The following FLYWCH1 variants were observed in gnomAD, a reference collection of about 807,000 sequenced individuals.
FLYWCH1 encodes the protein FLYWCH-type zinc finger-containing protein 1.
FLYWCH1 carries 75 observed loss-of-function variants against 66.4 expected under a neutral mutation model. The observed-to-expected ratio is 1.13, with a 90% CI of 0.94 to 1.37. FLYWCH1 has a LOEUF of 1.37. FLYWCH1 is among the 40% of genes most tolerant of loss of function. FLYWCH1 has a pLI of 0.00. For synonymous variants in FLYWCH1, 595 were observed against 429.9 expected (o/e 1.38, Z -4.75); for missense variants, 1,334 against 1,001.8 (o/e 1.33, Z -4.48).
chr16:2,923,137 G>T, intron 2 of FLYWCH1: 1 of 390,392 alleles, frequency 2.6e-6, no homozygotes, highest in Middle Eastern at 3.9e-4. Flanking sequence ...GGCTGTGGAC[G>T]CCTTTCAACG....
At position 2,933,358 on chromosome 16, in the gene FLYWCH1, G is replaced by T; in HGVS notation, c.1025G>T (p.Arg342Leu). The T allele has an allele frequency of 6.2e-7, 1 of 1,604,168 alleles. No individual in the cohort carries two copies. The highest frequency in any genetic ancestry group is 2.3e-5 in the East Asian group (1 of 44,360). ...QPDMEGLEAR[R>L]QQEKAVETLQ... Reference sequence around the variant, plus strand: ...GATATGGAGGGCCTGGAAGCCCGGCGGCAGCAGGAGAAGGCCGTGGAGACG... The same window carrying T: ...GATATGGAGGGCCTGGAAGCCCGGCTGCAGCAGGAGAAGGCCGTGGAGACG... Residue 342 changes from arginine (R) to leucine (L), a missense_variant, in exon 5 of 10, where the codon CGG becomes CTG. Physicochemically the swap from Arg to Leu is moderately radical, Grantham distance 102. Coordinates refer to ENST00000253928, the MANE Select transcript of FLYWCH1 (RefSeq NM_001308068.2).
intron 2 of FLYWCH1, among the ~76,000 whole-genome samples, chr16:2,920,990 C>A (rs929790564): frequency 6.6e-6 from 1 of 151,704 alleles, no homozygotes; most frequent in Non-Finnish European, 1.5e-5. Context: ...TACAGGCGCC[C>A]GCCACCACGC....
chr16:2,914,367 G>A (rs2070095941), intron 2 of FLYWCH1, 78 bp downstream of exon 2: 2 of 152,206 alleles, frequency 1.3e-5, no homozygotes, highest in Non-Finnish European at 2.9e-5. Flanking sequence ...GGACCCCTTG[G>A]TGTCTGAGAG....
intron 2 of FLYWCH1, among the ~76,000 whole-genome samples, chr16:2,923,628 A>G (rs1375561609): frequency 6.6e-6 from 1 of 152,148 alleles, no homozygotes; most frequent in African/African-American, 2.4e-5. Flanking sequence ...CAAGCCATTT[A>G]TATGCACCCA....
At chr16:2,915,594 A>C (rs1315603826) in intron 2 of FLYWCH1, 1 of 152,184 alleles carries the variant, frequency 6.6e-6, no homozygotes, top group Non-Finnish European at 1.5e-5. Context: ...TAAAATCATT[A>C]GGTTCCAGTC....
chr16:2,922,869 C>T (rs1314227574), intron 2 of FLYWCH1: 1 of 524,536 alleles, frequency 1.9e-6, no homozygotes, highest in East Asian at 5.3e-5. Context: ...TTCTTCATGG[C>T]AGACTCAGTG....
chr16:2,944,326 G>C (rs2071391479), intron 9 of FLYWCH1, among the ~76,000 whole-genome samples: 1 of 150,104 alleles, frequency 6.7e-6, no homozygotes. Context: ...GGAGGTGGAG[G>C]TTGTGGTGAG....
At chr16:2,938,498 C>G (rs749576790) in intron 8 of FLYWCH1, 42 bp downstream of exon 8, 17 of 1,494,294 alleles carry the variant, frequency 1.1e-5, no homozygotes, top group Non-Finnish European at 1.5e-5. Flanking sequence ...TGTGGGCATC[C>G]TCATCTCTTC....
intron 1 of FLYWCH1, among the ~76,000 whole-genome samples, chr16:2,912,408 G>A (rs2070021296): frequency 7.0e-6 from 1 of 142,410 alleles, no homozygotes; most frequent in South Asian, 2.1e-4. Flanking sequence ...GCCGTTTCCT[G>A]GCGGTGTCTG....
rs1390928738 is a variant in FLYWCH1 at position 2,933,778 on chromosome 16, T to C, written c.1312T>C (p.Tyr438His). Reference sequence around the variant, plus strand: ...CTTCCTGGTGTACGAGTCCTTCCTCTACCGGCGGGAGAAGGCGGCTGGGGA... The same window carrying C: ...CTTCCTGGTGTACGAGTCCTTCCTCCACCGGCGGGAGAAGGCGGCTGGGGA... ...GSFLVYESFL[Y>H]RREKAAGEKV... is the part of the protein sequence containing the mutation. The change falls in exon 6 of 10, where the codon TAC (tyrosine) becomes CAC (histidine). Residue 438 changes from tyrosine (Y) to histidine (H), a missense_variant. Physicochemically the swap from Tyr to His is moderately conservative, Grantham distance 83. Transcript: ENST00000253928. The C allele has an allele frequency of 1.2e-6, 2 of 1,611,596 alleles. No individual in the cohort carries two copies. Among genetic ancestry groups the C allele is most frequent in the African/African-American group, 2.7e-5 (2 of 74,796 alleles).
intron 4 of FLYWCH1, among the ~76,000 whole-genome samples, chr16:2,932,117 C>CAAAAAAAA (rs71158124): frequency 9.1e-6 from 1 of 109,876 alleles, no homozygotes; most frequent in African/African-American, 3.6e-5. Flanking sequence ...GACTCTGTCT[C>CAAAAAAAA]AAAAAAAAAA....
rs554997428 is a variant in FLYWCH1 at position 2,943,753 on chromosome 16, T to C, written c.2111+3661T>C. ...GCGTTCGAGACCAGCCTGGCCAACA[T>C]AGTGAAACTCTGTCTCTACTCAAAA... On this transcript the variant is annotated intron_variant, in intron 9 of 9. Transcript: ENST00000253928. Among the ~76,000 whole-genome samples, 5 of 151,946 alleles carry C rather than the reference T, an allele frequency of 3.3e-5. No individual in the cohort carries two copies. The South Asian group carries it at 1.0e-3, about 32-fold the overall frequency.
At position 2,933,389 on chromosome 16, in the gene FLYWCH1, G is replaced by C. The variant is rs763047216; in HGVS notation, c.1056G>C (p.Gln352His). The change falls in exon 5 of 10, where the codon CAG (glutamine) becomes CAC (histidine). Residue 352 changes from glutamine (Q) to histidine (H), a missense_variant. Gln to His is a conservative substitution (Grantham distance 24). Coordinates refer to ENST00000253928, the MANE Select transcript of FLYWCH1 (RefSeq NM_001308068.2). ...RQQEKAVETL[Q>H]AGQDGPGSQV... Reference sequence around the variant, plus strand: ...AGGAGAAGGCCGTGGAGACGCTGCAGGCTGGGCAGGACGGCCCTGGGAGCC... The same window carrying C: ...AGGAGAAGGCCGTGGAGACGCTGCACGCTGGGCAGGACGGCCCTGGGAGCC... 2 of 1,602,402 alleles carry C rather than the reference G, an allele frequency of 1.2e-6. No homozygotes were observed. Among genetic ancestry groups the C allele is most frequent in the Non-Finnish European group, 1.7e-6 (2 of 1,175,284 alleles).
At chr16:2,919,958 G>T (rs531640296) in intron 2 of FLYWCH1, among the ~76,000 whole-genome samples, 9 of 152,172 alleles carry the variant, frequency 5.9e-5, no homozygotes, top group East Asian at 1.9e-4. Flanking sequence ...GGCCTCTGGT[G>T]GGGGCTTCCT....
intron 2 of FLYWCH1, among the ~76,000 whole-genome samples, chr16:2,928,281 C>T (rs532903026): frequency 2.6e-4 from 39 of 152,324 alleles, no homozygotes; most frequent in Non-Finnish European, 4.9e-4. Context: ...TTCCCTCTTT[C>T]ACTCCTCCTC....
intron 6 of FLYWCH1, 44 bp downstream of exon 6, chr16:2,934,023 G>A: frequency 6.8e-7 from 1 of 1,480,030 alleles, no homozygotes; most frequent in South Asian, 1.3e-5. Flanking sequence ...GAAGCAGGCA[G>A]GAGCCCCACA....
At chr16:2,945,254 G>A (rs1213200174) in intron 9 of FLYWCH1, among the ~76,000 whole-genome samples, 4 of 151,708 alleles carry the variant, frequency 2.6e-5, no homozygotes, top group South Asian at 2.1e-4. Flanking sequence ...TTGGGAGGCC[G>A]AGGCAGGCGG....
chr16:2,945,412 G>A (rs1303591729), intron 9 of FLYWCH1, among the ~76,000 whole-genome samples: 4 of 150,360 alleles, frequency 2.7e-5, no homozygotes, highest in Admixed American at 6.7e-5. Context: ...CTTGAACCAG[G>A]GAGTTGGAGG....
At chr16:2,947,458 C>G (rs548559599) in intron 9 of FLYWCH1, among the ~76,000 whole-genome samples, 73 of 152,200 alleles carry the variant, frequency 4.8e-4, no homozygotes, top group Non-Finnish European at 4.0e-4. Context: ...CTCAGTAGAG[C>G]TCTTAAAAAG....
Sources: allele counts gnomAD v4.1 joint callset (sites outside exome capture counted in the v4.1 genomes callset), GRCh38; gene constraint gnomAD v4.1.1; transcripts MANE v1.5; gene names NCBI Gene and HGNC (gene_info 2026-07-23, HGNC 2026-07-21).